The following ESRRG variants were observed in gnomAD, a reference collection of about 807,000 sequenced individuals.
The protein encoded by ESRRG is estrogen-related receptor gamma.
In ESRRG, 13 loss-of-function variants were observed where a neutral mutation model predicts 44.0. That is an observed-to-expected ratio of 0.30 (90% CI 0.19 to 0.47). The LOEUF (loss-of-function observed/expected upper bound fraction) is 0.47, where lower values mean the gene tolerates loss of function less well. ESRRG is among the 20% of genes least tolerant of loss of function. The pLI is 1.00. For missense variants in ESRRG, 395 were observed against 580.6 expected (o/e 0.68, Z 3.29); for synonymous variants, 215 against 214.6 (o/e 1.00, Z -0.02).
At chr1:216,815,070 G>A (rs774810918) in intron 2 of ESRRG, among the ~76,000 whole-genome samples, 4 of 152,134 alleles carry the variant, frequency 2.6e-5, no homozygotes, top group Non-Finnish European at 5.9e-5. Context: ...ATAGATTAGC[G>A]GTTAGCATAA....
chr1:216,755,082 C>T (rs1320930088), intron 2 of ESRRG, among the ~76,000 whole-genome samples: 3 of 151,948 alleles, frequency 2.0e-5, no homozygotes, highest in African/African-American at 7.2e-5. Flanking sequence ...GAGAAAGGGG[C>T]TGCATAGCGG....
At chr1:216,990,591 TC>T (rs1232253408) in intron 1 of ESRRG, among the ~76,000 whole-genome samples, 1 of 152,112 alleles carries the variant, frequency 6.6e-6, no homozygotes, top group African/African-American at 2.4e-5. Context: ...CTCCTCTTCC[TC>T]CTCCTCAGCC....
At chr1:216,914,103 C>G (rs1428215324) in intron 2 of ESRRG, among the ~76,000 whole-genome samples, 2 of 151,256 alleles carry the variant, frequency 1.3e-5, no homozygotes, top group African/African-American at 4.8e-5. Flanking sequence ...CCCCCTCCCC[C>G]CATCCTTTTT....
intron 2 of ESRRG, among the ~76,000 whole-genome samples, chr1:216,737,896 A>C (rs1269103339): frequency 6.6e-6 from 1 of 152,148 alleles, no homozygotes; most frequent in Non-Finnish European, 1.5e-5. Flanking sequence ...ATTCGTCCTT[A>C]CATACAGCCC....
chr1:216,872,204 A>C (rs1241208256), intron 2 of ESRRG, among the ~76,000 whole-genome samples: 2 of 151,952 alleles, frequency 1.3e-5, no homozygotes, highest in Non-Finnish European at 2.9e-5. Flanking sequence ...TGCATAATTT[A>C]TCTCTGCTCT....
intron 1 of ESRRG, among the ~76,000 whole-genome samples, chr1:216,696,572 G>A (rs1260919638): frequency 6.6e-6 from 1 of 151,908 alleles, no homozygotes; most frequent in Non-Finnish European, 1.5e-5. Context: ...AAATTACAGA[G>A]CAACTTAAAA....
chr1:216,824,554 T>C (rs980023298), intron 2 of ESRRG, among the ~76,000 whole-genome samples: 23 of 151,972 alleles, frequency 1.5e-4, no homozygotes, highest in Admixed American at 1.5e-3. Flanking sequence ...TAGGCACAGA[T>C]CCTGCAGGGA....
chr1:216,964,799 G>A (rs2069900719), intron 1 of ESRRG, among the ~76,000 whole-genome samples: 1 of 151,996 alleles, frequency 6.6e-6, no homozygotes, highest in Admixed American at 6.6e-5. Context: ...GATCCACAGA[G>A]GTGGTGGGAA....
intron 2 of ESRRG, among the ~76,000 whole-genome samples, chr1:216,902,833 T>A (rs1329153521): frequency 6.6e-6 from 1 of 152,200 alleles, no homozygotes; most frequent in Non-Finnish European, 1.5e-5. Flanking sequence ...TAGCATTGGA[T>A]CTGCCAGCCT....
chr1:216,784,430 A>T (rs1458669467), intron 2 of ESRRG, among the ~76,000 whole-genome samples: 1 of 152,032 alleles, frequency 6.6e-6, no homozygotes, highest in Non-Finnish European at 1.5e-5. Context: ...AGAAATCCTT[A>T]TATACTTTAT....
intron 2 of ESRRG, among the ~76,000 whole-genome samples, chr1:216,779,494 T>TTATATATATAAATATAAATTTA (rs368551045): frequency 2.2e-4 from 1 of 4,608 alleles, no homozygotes; most frequent in Non-Finnish European, 3.3e-4. Flanking sequence ...AAATATATAT[T>TTATATATATAAATATAAATTTA]TATATATAAA....
At chr1:216,661,660 C>T (rs1045088976) in intron 2 of ESRRG, among the ~76,000 whole-genome samples, 4 of 152,108 alleles carry the variant, frequency 2.6e-5, no homozygotes, top group Non-Finnish European at 1.5e-5. Flanking sequence ...TCCCTTCTAC[C>T]TTAAACAAGT....
At chr1:216,900,866 T>C (rs932648730) in intron 2 of ESRRG, among the ~76,000 whole-genome samples, 8 of 152,154 alleles carry the variant, frequency 5.3e-5, no homozygotes, top group African/African-American at 1.9e-4. Flanking sequence ...GAATCTCAGA[T>C]AATGACTATG....
At chr1:216,542,108 G>GAGAGAGAGAT (rs5780891) in intron 5 of ESRRG, among the ~76,000 whole-genome samples, 1 of 145,186 alleles carries the variant, frequency 6.9e-6, no homozygotes, top group Non-Finnish European at 1.5e-5. Flanking sequence ...GAGAGAGAGA[G>GAGAGAGAGAT]AGATAGAATG....
At chr1:216,622,256 C>G (rs931910491) in intron 3 of ESRRG, among the ~76,000 whole-genome samples, 3 of 152,208 alleles carry the variant, frequency 2.0e-5, no homozygotes, top group Non-Finnish European at 2.9e-5. Flanking sequence ...TTGACCTCTG[C>G]AGTTCTAAGA....
At chr1:217,052,725 A>G (rs1368141059) in intron 1 of ESRRG, among the ~76,000 whole-genome samples, 2 of 152,104 alleles carry the variant, frequency 1.3e-5, no homozygotes, top group Admixed American at 6.5e-5. Context: ...CTACCTTCCT[A>G]TTGGGGTGAG....
chr1:216,537,892 G>C (rs1046480463), intron 5 of ESRRG, among the ~76,000 whole-genome samples: 2 of 152,036 alleles, frequency 1.3e-5, no homozygotes, highest in African/African-American at 2.4e-5. Flanking sequence ...ATGCAGCACT[G>C]TTTGTCTTCC....
At position 216,903,592 on chromosome 1, in the gene ESRRG, C is replaced by A. The variant is rs541637746; in HGVS notation, c.-14+35990G>T. ...ACAGAGGAAACAGCAGGCAGTGGAA[C>A]CCTGTACAGCTGGTCCCTGCTGGCC... On this transcript the variant is annotated intron_variant, in intron 2 of 7. Coordinates refer to the ESRRG transcript ENST00000359162. Among the ~76,000 whole-genome samples the A allele has an allele frequency of 2.2e-4, 34 of 151,960 alleles. 1 individual carries two copies. The South Asian group carries it at 6.7e-3, about 30-fold the overall frequency.
At chr1:216,715,020 T>C (rs2084524992) in intron 1 of ESRRG, 1 of 927,230 alleles carries the variant, frequency 1.1e-6, no homozygotes, top group South Asian at 5.0e-5. Flanking sequence ...GTTCCTCACC[T>C]CCCTTTGCTG....
Sources: gnomAD v4.1 joint callset for allele counts (sites outside exome capture counted in the v4.1 genomes callset) on GRCh38, gnomAD v4.1.1 for gene constraint, MANE v1.5 for transcripts, NCBI Gene and HGNC (gene_info 2026-07-23, HGNC 2026-07-21) for gene names.